ACOT7: variants seen among roughly 807,000 people sequenced by gnomAD.
ACOT7 encodes the protein cytosolic acyl coenzyme A thioester hydrolase.
ACOT7 carries 12 observed loss-of-function variants against 40.2 expected under a neutral mutation model. That is an observed-to-expected ratio of 0.30 (90% CI 0.19 to 0.48). The LOEUF is 0.48. Ranked by LOEUF, ACOT7 falls within the 20% of genes least tolerant of loss-of-function variation. ACOT7 has a pLI of 0.99. For missense variants in ACOT7, 395 were observed against 530.8 expected (o/e 0.74, Z 2.51); for synonymous variants, 228 against 219.5 (o/e 1.04, Z -0.34).
At chr1:6,271,564 G>A (rs1639036328) in intron 8 of ACOT7, among the ~76,000 whole-genome samples, 1 of 152,182 alleles carries the variant, frequency 6.6e-6, no homozygotes, top group Admixed American at 6.5e-5. Flanking sequence ...GTGCCCCCAG[G>A]GTCTTGCTCC....
chr1:6,302,034 A>G (rs1436363767), intron 6 of ACOT7, among the ~76,000 whole-genome samples: 3 of 152,228 alleles, frequency 2.0e-5, no homozygotes, highest in Non-Finnish European at 4.4e-5. Flanking sequence ...GGCCCAGGCC[A>G]GGGGGGCTGT....
At chr1:6,364,977 C>T (rs1333264214) in intron 1 of ACOT7, among the ~76,000 whole-genome samples, 2 of 151,360 alleles carry the variant, frequency 1.3e-5, no homozygotes, top group Admixed American at 1.3e-4. Context: ...GAGCTGAGAT[C>T]GCCCCACTGC....
chr1:6,319,855 G>A (rs1010722448), intron 5 of ACOT7, among the ~76,000 whole-genome samples: 36 of 152,328 alleles, frequency 2.4e-4, no homozygotes, highest in Non-Finnish European at 3.8e-4. Flanking sequence ...AGGAAGATCC[G>A]CCCTGAGCCA....
At chr1:6,332,665 A>G (rs764752983) in intron 4 of ACOT7, among the ~76,000 whole-genome samples, 5 of 152,020 alleles carry the variant, frequency 3.3e-5, no homozygotes, top group Admixed American at 1.3e-4. Flanking sequence ...AAATATATAT[A>G]AAATAATTAG....
At chr1:6,370,242 C>T (rs954484038) in intron 1 of ACOT7, among the ~76,000 whole-genome samples, 3 of 152,106 alleles carry the variant, frequency 2.0e-5, no homozygotes, top group Non-Finnish European at 4.4e-5. Context: ...CTGAGTCCCT[C>T]GCCAGAAGAA....
intron 2 of ACOT7, among the ~76,000 whole-genome samples, chr1:6,348,234 T>G (rs1417833072): frequency 6.6e-6 from 1 of 152,112 alleles, no homozygotes; most frequent in Non-Finnish European, 1.5e-5. Flanking sequence ...AACCCACTCC[T>G]GAACCTGTAC....
intron 8 of ACOT7, among the ~76,000 whole-genome samples, chr1:6,273,747 G>A (rs371911216): frequency 3.9e-5 from 6 of 152,384 alleles, no homozygotes; most frequent in East Asian, 1.9e-4. Context: ...GCACACGGGC[G>A]CAGCGGTGCC....
chr1:6,325,064 T>C (rs1322513006), intron 5 of ACOT7, among the ~76,000 whole-genome samples: 2 of 152,206 alleles, frequency 1.3e-5, no homozygotes, highest in Non-Finnish European at 2.9e-5. Context: ...CTGTCTGGTG[T>C]ATTGCTGTGT....
At chr1:6,322,624 C>T (rs1038201184) in intron 5 of ACOT7, among the ~76,000 whole-genome samples, 1 of 152,246 alleles carries the variant, frequency 6.6e-6, no homozygotes, top group Non-Finnish European at 1.5e-5. Context: ...CGTGTCCTCA[C>T]AGGGTTGTTC....
intron 1 of ACOT7, among the ~76,000 whole-genome samples, chr1:6,356,457 C>A (rs577515691): frequency 7.2e-4 from 109 of 152,236 alleles, no homozygotes; most frequent in Admixed American, 3.5e-3. Context: ...CGCTCAGCAC[C>A]CTCAGCCCAG....
intron 6 of ACOT7, among the ~76,000 whole-genome samples, chr1:6,309,936 T>C (rs1640284533): frequency 6.6e-6 from 1 of 152,240 alleles, no homozygotes; most frequent in Non-Finnish European, 1.5e-5. Context: ...CTGTGTTATC[T>C]CGTCTGTTTG....
chr1:6,309,643 G>A (rs183487817), intron 6 of ACOT7, among the ~76,000 whole-genome samples: 73 of 151,994 alleles, frequency 4.8e-4, no homozygotes, highest in African/African-American at 1.2e-3. Flanking sequence ...TTCTTTGGCC[G>A]GCAGTTATTT....
chr1:6,355,878 G>A lies in ACOT7; in HGVS notation c.144-6012C>T, dbSNP rs543085501. Among the ~76,000 whole-genome samples the A allele has an allele frequency of 6.6e-6, 1 of 152,202 alleles. No homozygotes were observed. The highest frequency in any genetic ancestry group is 2.1e-4 in the South Asian group (1 of 4,830). On this transcript the variant is annotated intron_variant, in intron 1 of 8. Coordinates refer to ENST00000361521, the MANE Select transcript of ACOT7 (RefSeq NM_007274.4). This position sits in a 1 kb window ranked among gnomAD's most constrained non-coding sequence, Gnocchi z 5.0. ...GAACAATTGAGGGGAGCCTGGCAGG[G>A]AGGGGAGCCGCTCCTGCCCCCTGGC...
intron 2 of ACOT7, among the ~76,000 whole-genome samples, chr1:6,344,763 CAAAAAAAAAAAAA>C (rs58594477): frequency 5.4e-5 from 3 of 56,028 alleles, no homozygotes; most frequent in Admixed American, 2.3e-4. Flanking sequence ...GACTCTGTCT[CAAAAAAAAAAAAA>C]AAAAAAAAAA....
chr1:6,384,225 TAC>T (rs1642400058), intron 1 of ACOT7, among the ~76,000 whole-genome samples: 1 of 151,806 alleles, frequency 6.6e-6, no homozygotes, highest in Admixed American at 6.6e-5. Context: ...TCTCTAAAAA[TAC>T]ACAGTGGTCA....
chr1:6,382,775 G>A (rs538544647), intron 1 of ACOT7, among the ~76,000 whole-genome samples: 2 of 151,782 alleles, frequency 1.3e-5, no homozygotes, highest in South Asian at 2.1e-4. Context: ...CACCACATGC[G>A]CCCCAGAAGA....
chr1:6,385,455 T>G, intron 1 of ACOT7: 9 of 1,584,210 alleles, frequency 5.7e-6, no homozygotes, highest in African/African-American at 1.3e-5. Flanking sequence ...GCGTCGCAAG[T>G]GAGACACCAT....
In ACOT7 at chr1:6,327,321, G is replaced by A. The variant is rs762473178; in HGVS notation, c.603C>T (p.Ile201=). The A allele has an allele frequency of 6.8e-6, 11 of 1,614,030 alleles. No homozygotes were observed. The highest frequency in any genetic ancestry group is 4.0e-5 in the African/African-American group (3 of 74,934). ...TACCTGGGTTGAGGACTGGCTGGACGATGTCCCCGTTCCTCCACTTGGTCT... is the reference window on the plus strand; with the variant it reads ...TACCTGGGTTGAGGACTGGCTGGACAATGTCCCCGTTCCTCCACTTGGTCT... The part of the protein sequence containing the change: ...RMETKWRNGD[I]VQPVLNPEPN... The change falls in exon 5 of 9, where the codon ATC becomes ATT. Residue 201 remains isoleucine (I), a synonymous_variant. Transcript: ENST00000361521.
chr1:6,335,737 GGCCTGT>G (rs1641083668), intron 3 of ACOT7, among the ~76,000 whole-genome samples: 1 of 152,204 alleles, frequency 6.6e-6, no homozygotes, highest in Non-Finnish European at 1.5e-5. Context: ...ATTAAGAAAA[GGCCTGT>G]GCCTGCCCCT....
Sources: allele counts gnomAD v4.1 joint callset (sites outside exome capture counted in the v4.1 genomes callset), GRCh38; gene constraint gnomAD v4.1.1; non-coding constraint Gnocchi (gnomAD v3.1); transcripts MANE v1.5; gene names NCBI Gene and HGNC (gene_info 2026-07-23, HGNC 2026-07-21).